Variants in TMED7 observed in about 807,000 individuals in gnomAD.
TMED7 encodes the protein transmembrane p24 trafficking protein 7, also known as transmembrane emp24 domain-containing protein 7.
A neutral mutation model predicts 23.4 loss-of-function variants in TMED7; 8 were observed. The ratio of observed to expected loss-of-function variants is 0.34; its 90% CI spans 0.20 to 0.62. The LOEUF (loss-of-function observed/expected upper bound fraction) is 0.62. TMED7 is among the 20% of genes least tolerant of loss of function. TMED7 has a pLI of 0.77. For synonymous variants in TMED7, 121 were observed against 108.5 expected, an observed-to-expected ratio of 1.12 and a Z score of -0.72; for missense variants, 232 against 279.1, an observed-to-expected ratio of 0.83 and a Z score of 1.20.
chr5:115,619,450 A>T (rs1178437989), intron 2 of TMED7, among the ~76,000 whole-genome samples: 6 of 152,158 alleles, frequency 3.9e-5, no homozygotes, highest in Non-Finnish European at 8.8e-5. Flanking sequence ...GTGGTAAATA[A>T]TTCTTTTTCA....
intron 1 of TMED7, 32 bp downstream of exon 1, chr5:115,625,569 T>C (rs372326198): frequency 1.2e-5 from 18 of 1,501,858 alleles, no homozygotes; most frequent in East Asian, 5.3e-5. Context: ...GAGCCGCGAG[T>C]TGGGGCCCAG....
chr5:115,618,878 C>T (rs1756904185), intron 2 of TMED7, among the ~76,000 whole-genome samples: 1 of 152,102 alleles, frequency 6.6e-6, no homozygotes, highest in African/African-American at 2.4e-5. Context: ...GAGAGTAAAA[C>T]TTTTATCATT....
chr5:115,625,802 G>A lies in TMED7; in HGVS notation c.-10C>T, dbSNP rs1561592940. Reference sequence around the variant, plus strand: ...ACCCCGGCCGCGGCATCCCGAGAAGGCGGCGGCGGCCTCAACCGAGCTGCG... The same window carrying A: ...ACCCCGGCCGCGGCATCCCGAGAAGACGGCGGCGGCCTCAACCGAGCTGCG... On this transcript the variant is annotated 5_prime_UTR_variant, in exon 1 of 3. Coordinates refer to ENST00000456936, the MANE Select transcript of TMED7 (RefSeq NM_181836.6). 3 of 1,406,438 alleles carry A rather than the reference G, an allele frequency of 2.1e-6. No individual in the cohort carries two copies. The highest frequency in any genetic ancestry group is 9.2e-7 in the Non-Finnish European group (1 of 1,085,632). 87.1% of individuals were successfully genotyped at this position (1,406,438 alleles called of 1,614,324 possible).
chr5:115,620,527 T>G lies in TMED7; in HGVS notation c.346A>C (p.Thr116Pro). 1 of 1,605,112 alleles carries G rather than the reference T, an allele frequency of 6.2e-7. No individual in the cohort carries two copies. Among genetic ancestry groups the G allele is most frequent in the Non-Finnish European group, 8.5e-7 (1 of 1,176,762 alleles). Residue 116 changes from threonine (T) to proline (P), a missense_variant, in exon 2 of 3, where the codon ACT becomes CCT. Thr to Pro is a conservative substitution (Grantham distance 38, BLOSUM62 -1). Around this residue, in one of 2 missense-constraint regions of TMED7, gnomAD observed 126 missense variants for 182.1 expected, o/e 0.69. Coordinates refer to ENST00000456936, the MANE Select transcript of TMED7 (RefSeq NM_181836.6). ...YKFCFSNEFS[T>P]FTHKTVYFDF... ...AAATATACAGTTTTATGTGTGAAAG[T>G]AGAAAATTCATTGCTGAAGCAAAAT...
At chr5:115,622,404 C>A (rs530050634) in intron 1 of TMED7, among the ~76,000 whole-genome samples, 1 of 152,176 alleles carries the variant, frequency 6.6e-6, no homozygotes, top group Non-Finnish European at 1.5e-5. Flanking sequence ...CATTCCGAAA[C>A]CACAATCCAG....
At chr5:115,617,639 A>C (rs1390447955) in intron 2 of TMED7, among the ~76,000 whole-genome samples, 1 of 152,240 alleles carries the variant, frequency 6.6e-6, no homozygotes, top group Non-Finnish European at 1.5e-5. Flanking sequence ...ATATTGCCCA[A>C]GGATTCTTCA....
rs1756686133 is a variant in TMED7 at position 115,615,490 on chromosome 5, T to C, written c.*719A>G. The C allele has an allele frequency of 6.6e-6, 1 of 152,306 alleles. No individual in the cohort carries two copies. 9.4% of individuals were successfully genotyped at this position (152,306 alleles called of 1,614,324 possible). A position where few individuals can be genotyped will look rare whatever the true frequency, so the allele number is the denominator to read the frequency against. ...TATTTCATTTGCCCCCATTGTAGTG[T>C]CTTAAATTATTCTGTAATATTTCTA... On this transcript the variant is annotated 3_prime_UTR_variant, in exon 3 of 3. Transcript: ENST00000456936.
intron 2 of TMED7, among the ~76,000 whole-genome samples, chr5:115,617,661 C>T (rs1213810317): frequency 1.3e-5 from 2 of 152,204 alleles, no homozygotes; most frequent in Admixed American, 6.5e-5. Context: ...CTGGAAAGTA[C>T]ACATAAAGGC....
rs1386793707 is a variant in TMED7, at chr5:115,625,614, GTGCACTTGGTGCCCTGAGCGA to G, written c.158_178del (p.Ile53_Cys59del). 1 of 1,587,230 alleles carries G rather than the reference GTGCACTTGGTGCCCTGAGCGA, an allele frequency of 6.3e-7. No homozygotes were observed. Among genetic ancestry groups the G allele is most frequent in the African/African-American group, 1.4e-5 (1 of 72,450 alleles). The stretch of plus-strand genomic sequence containing the variant: ...GGCCCCTGATACCTGGAACTCCAGG[GTGCACTTGGTGCCCTGAGCGA>G]TGTCCTCGTAGAAGCACTGCTTGGC... On this transcript the variant is annotated inframe_deletion, in exon 1 of 3. Coordinates refer to ENST00000456936, the MANE Select transcript of TMED7 (RefSeq NM_181836.6).
In TMED7 at chr5:115,614,665, A is replaced by C. The variant is rs886202488; in HGVS notation, c.*1544T>G. 6.6e-6 allele frequency: 1 copy of C among 152,190 alleles called. No individual in the cohort carries two copies. The highest frequency in any genetic ancestry group is 1.5e-5 in the Non-Finnish European group (1 of 67,992). The allele number at this position is 152,190 out of a possible 1,614,324, so 9.4% of individuals were successfully genotyped here. A position where few individuals can be genotyped will look rare whatever the true frequency, so the allele number is the denominator to read the frequency against. On this transcript the variant is annotated 3_prime_UTR_variant, in exon 3 of 3. Transcript: ENST00000456936. ...TGAAAACATGTTCACCCTTTGCTAT[A>C]CGGTGGCATCTGAAATTATCAGGCA...
chr5:115,616,040 A>C lies in TMED7; in HGVS notation c.*169T>G, dbSNP rs1756723884. ...CAAAGTTTTTCCACCTTTACAAATAAAAAAAGGTGTCCTTTCCACAGTTTG... is the reference window on the plus strand; with the variant it reads ...CAAAGTTTTTCCACCTTTACAAATACAAAAAGGTGTCCTTTCCACAGTTTG... On this transcript the variant is annotated 3_prime_UTR_variant, in exon 3 of 3. Coordinates refer to ENST00000456936, the MANE Select transcript of TMED7 (RefSeq NM_181836.6). The C allele has an allele frequency of 2.9e-6, 2 of 694,076 alleles. No homozygotes were observed. The highest frequency in any genetic ancestry group is 2.9e-5 in the Admixed American group (1 of 34,224). 43.0% of individuals were successfully genotyped at this position (694,076 alleles called of 1,614,324 possible).
intron 1 of TMED7, among the ~76,000 whole-genome samples, chr5:115,622,218 C>G (rs1384631909): frequency 6.6e-6 from 1 of 152,130 alleles, no homozygotes; most frequent in Admixed American, 6.6e-5. Context: ...CAGAACTTAT[C>G]ATCACCCCAC....
chr5:115,625,889 C>A lies in TMED7; in HGVS notation c.-97G>T. 7.6e-7 allele frequency: 1 copy of A among 1,310,090 alleles called. No homozygotes were observed. The highest frequency in any genetic ancestry group is 2.2e-5 in the South Asian group (1 of 44,554). 81.2% of individuals were successfully genotyped at this position (1,310,090 alleles called of 1,614,324 possible). ...CGGCAGGCCTCAGCGCAGGCCACCC[C>A]GCAAAGATACACAGCAGAGCAGGTT... is the stretch of plus-strand genomic sequence containing the variant. On this transcript the variant is annotated 5_prime_UTR_variant, in exon 1 of 3. Coordinates refer to ENST00000456936, the MANE Select transcript of TMED7 (RefSeq NM_181836.6).
intron 2 of TMED7, among the ~76,000 whole-genome samples, chr5:115,619,742 T>G (rs924491069): frequency 4.6e-5 from 7 of 152,132 alleles, no homozygotes; most frequent in Non-Finnish European, 8.8e-5. Context: ...ACTTGTGTCA[T>G]CAGGTTGGAG....
chr5:115,618,627 T>C (rs1270731126), intron 2 of TMED7, among the ~76,000 whole-genome samples: 3 of 152,202 alleles, frequency 2.0e-5, no homozygotes, highest in Non-Finnish European at 2.9e-5. Context: ...AGCTAGAGAC[T>C]TGATGGAATT....
At position 115,625,666 on chromosome 5, in the gene TMED7, C is replaced by G. The variant is rs1757177625; in HGVS notation, c.127G>C (p.Asp43His). 1 of 1,602,826 alleles carries G rather than the reference C, an allele frequency of 6.2e-7. No homozygotes were observed. The highest frequency in any genetic ancestry group is 8.5e-7 in the Non-Finnish European group (1 of 1,175,340). Residue 43 changes from aspartate (D) to histidine (H), a missense_variant, in exon 1 of 3, where the codon GAC becomes CAC. Transcript: ENST00000456936. ...TCGTAGAAGCACTGCTTGGCGTTGT[C>G]AGGAAGCTCGAAGGTGATCTCAGAG... is the stretch of plus-strand genomic sequence containing the variant. The part of the protein sequence containing the change: ...GASEITFELP[D>H]NAKQCFYEDI...
At chr5:115,616,625 C>A (rs1446583135) in intron 2 of TMED7, 180 bp from the exon 3 acceptor site, 2 of 860,506 alleles carry the variant, frequency 2.3e-6, no homozygotes, top group Non-Finnish European at 3.5e-6. Context: ...CTCATTTTCA[C>A]TGGGACAACT....
chr5:115,625,762 C>T lies in TMED7; in HGVS notation c.31G>A (p.Ala11Thr). 3.9e-6 allele frequency: 6 copies of T among 1,521,188 alleles called. No homozygotes were observed. The highest frequency in any genetic ancestry group is 5.3e-6 in the Non-Finnish European group (6 of 1,136,018). 94.2% of individuals were successfully genotyped at this position (1,521,188 alleles called of 1,614,324 possible). A position where few individuals can be genotyped will look rare whatever the true frequency, so the allele number is the denominator to read the frequency against. MPRPGSAQRW[A>T]AVAGRWGCRL... ...CACCCCCAACGGCCCGCGACGGCCGCCCAGCGCTGCGCGGACCCCGGCCGC... is the reference window on the plus strand; with the variant it reads ...CACCCCCAACGGCCCGCGACGGCCGTCCAGCGCTGCGCGGACCCCGGCCGC... Residue 11 changes from alanine to threonine, a missense_variant, in exon 1 of 3, where the codon GCG (alanine) becomes ACG (threonine). Physicochemically the swap from Ala to Thr is moderately conservative, Grantham distance 58. Coordinates refer to ENST00000456936, the MANE Select transcript of TMED7 (RefSeq NM_181836.6).
chr5:115,622,602 A>G (rs1374533171), intron 1 of TMED7, among the ~76,000 whole-genome samples: 2 of 152,170 alleles, frequency 1.3e-5, no homozygotes, highest in African/African-American at 4.8e-5. Context: ...TACTAGATGC[A>G]GGTAGCTGCC....
Sources: allele counts gnomAD v4.1 joint callset (sites outside exome capture counted in the v4.1 genomes callset), GRCh38; gene constraint gnomAD v4.1.1; regional missense constraint gnomAD v4.1.1; transcripts MANE v1.5; gene names NCBI Gene and HGNC (gene_info 2026-07-23, HGNC 2026-07-21).